The following ADRA1B variants were observed in gnomAD, a reference collection of about 807,000 sequenced individuals.
ADRA1B encodes adrenoceptor alpha 1B, also known as alpha-1B adrenergic receptor.
A neutral mutation model predicts 17.9 loss-of-function variants in ADRA1B; 17 were observed. The ratio of observed to expected loss-of-function variants is 0.95; its 90% CI spans 0.65 to 1.42. The LOEUF (loss-of-function observed/expected upper bound fraction) is 1.42. Among genes scored for constraint, ADRA1B ranks in the 40% most tolerant of loss-of-function variants. The pLI, the probability that ADRA1B is intolerant of heterozygous loss-of-function variation, is 0.00. For synonymous variants in ADRA1B, 366 were observed against 327.6 expected, an observed-to-expected ratio of 1.12 and a Z score of -1.27; for missense variants, 681 against 722.1, an observed-to-expected ratio of 0.94 and a Z score of 0.65.
At chr5:159,894,098 A>C (rs1290444883) in intron 1 of ADRA1B, among the ~76,000 whole-genome samples, 1 of 152,194 alleles carries the variant, frequency 6.6e-6, no homozygotes, top group Non-Finnish European at 1.5e-5. Context: ...CACCTTGCTG[A>C]AGTGTTAGAA....
At chr5:159,894,005 C>A (rs1246618900) in intron 1 of ADRA1B, among the ~76,000 whole-genome samples, 2 of 152,180 alleles carry the variant, frequency 1.3e-5, no homozygotes, top group Non-Finnish European at 2.9e-5. Flanking sequence ...CTAAGATAGA[C>A]CCAGTTTCAC....
At chr5:159,930,014 A>T (rs1355991927) in intron 1 of ADRA1B, among the ~76,000 whole-genome samples, 2 of 152,210 alleles carry the variant, frequency 1.3e-5, no homozygotes, top group Admixed American at 6.5e-5. Flanking sequence ...TTTTCACTCA[A>T]CAGCATAGCA....
downstream of ADRA1B, among the ~76,000 whole-genome samples, chr5:159,973,607 G>A: frequency 6.6e-6 from 1 of 152,180 alleles, no homozygotes; most frequent in Admixed American, 6.5e-5. Flanking sequence ...TTGGGGCCCA[G>A]CAACATACAG....
chr5:159,924,683 G>C (rs112526490), intron 1 of ADRA1B, among the ~76,000 whole-genome samples: 58 of 152,296 alleles, frequency 3.8e-4, no homozygotes, highest in African/African-American at 1.4e-3. Context: ...CAGCAGGTGC[G>C]TGTGTAGCTG....
intron 1 of ADRA1B, among the ~76,000 whole-genome samples, chr5:159,889,842 C>A (rs1753962891): frequency 6.6e-6 from 1 of 152,186 alleles, no homozygotes; most frequent in Non-Finnish European, 1.5e-5. Flanking sequence ...TTGCTTGCAA[C>A]CAAGAACATG....
chr5:159,916,243 G>C (rs1480262162), upstream of ADRA1B: 1 of 151,458 alleles, frequency 6.6e-6, no homozygotes, highest in Non-Finnish European at 1.5e-5. Context: ...TAACCCCAGC[G>C]GGCCGCCTAG....
chr5:159,892,625 G>C (rs1753997391), intron 1 of ADRA1B, among the ~76,000 whole-genome samples: 1 of 152,128 alleles, frequency 6.6e-6, no homozygotes, highest in Non-Finnish European at 1.5e-5. Flanking sequence ...GAGGATAATG[G>C]CCTCCAGCTC....
chr5:159,918,646 G>A (rs570775221), intron 1 of ADRA1B, among the ~76,000 whole-genome samples: 69 of 152,284 alleles, frequency 4.5e-4, no homozygotes, highest in African/African-American at 1.5e-3. Flanking sequence ...AATTCAGTGC[G>A]TCCTCCCCCT....
intron 1 of ADRA1B, among the ~76,000 whole-genome samples, chr5:159,890,306 C>T (rs560719305): frequency 3.7e-4 from 57 of 152,302 alleles, no homozygotes; most frequent in African/African-American, 1.4e-3. Flanking sequence ...CCAATAGCAG[C>T]CAAGAATTTT....
At chr5:159,979,843 G>A in the ADRA1B span, among the ~76,000 whole-genome samples, 1 of 151,726 alleles carries the variant, frequency 6.6e-6, no homozygotes, top group Non-Finnish European at 1.5e-5. Context: ...ACTCCAGCCT[G>A]GGCAACAGAG....
chr5:159,875,755 C>G (rs1006768074), intron 1 of ADRA1B, among the ~76,000 whole-genome samples: 1 of 152,206 alleles, frequency 6.6e-6, no homozygotes. Context: ...CTGGTCCCTG[C>G]AGGCATCCAG....
In ADRA1B at chr5:159,917,039, C is replaced by T; in HGVS notation, c.134C>T (p.Ala45Val). 6.2e-7 allele frequency: 1 copy of T among 1,614,164 alleles called. No homozygotes were observed. The highest frequency in any genetic ancestry group is 8.5e-7 in the Non-Finnish European group (1 of 1,180,024). The part of the protein sequence containing the change: ...STLPQLDITR[A>V]ISVGLVLGAF... ...CTGCCCCAGCTGGACATCACCAGGG[C>T]CATCTCTGTGGGCCTGGTGCTGGGC... Residue 45 changes from alanine (A) to valine (V), a missense_variant, in exon 1 of 2, where the codon GCC becomes GTC. Transcript: ENST00000306675.
At chr5:159,898,326 A>G (rs1007529332) in intron 1 of ADRA1B, among the ~76,000 whole-genome samples, 29 of 152,226 alleles carry the variant, frequency 1.9e-4, no homozygotes, top group African/African-American at 7.0e-4. Context: ...AGACAGCTGT[A>G]AGACAGGAGG....
chr5:159,905,376 TGGGC>T (rs1485012394), intron 1 of ADRA1B, among the ~76,000 whole-genome samples: 3 of 152,234 alleles, frequency 2.0e-5, no homozygotes, highest in Non-Finnish European at 1.5e-5. Flanking sequence ...TCAAAAAGGC[TGGGC>T]CAGAAACAAG....
intron 1 of ADRA1B, among the ~76,000 whole-genome samples, chr5:159,865,797 C>T (rs1188940983): frequency 6.6e-6 from 1 of 152,178 alleles, no homozygotes; most frequent in Non-Finnish European, 1.5e-5. Context: ...TTCCTCAAAA[C>T]CTACATACAA....
intron 1 of ADRA1B, among the ~76,000 whole-genome samples, chr5:159,950,263 G>C (rs1755395660): frequency 6.6e-6 from 1 of 151,264 alleles, no homozygotes; most frequent in Admixed American, 6.6e-5. Context: ...CCTTTTGGGT[G>C]ACCCTAGTGG....
chr5:159,921,012 G>A (rs1282111870), intron 1 of ADRA1B, among the ~76,000 whole-genome samples: 5 of 152,228 alleles, frequency 3.3e-5, no homozygotes, highest in Non-Finnish European at 4.4e-5. Context: ...TGTTTTCTCC[G>A]TGGGAGAGAA....
At chr5:159,915,634 C>T (rs1754282979), upstream of ADRA1B, among the ~76,000 whole-genome samples, 1 of 152,140 alleles carries the variant, frequency 6.6e-6, no homozygotes. Context: ...TCCCAGATAG[C>T]CAGCTAGCTT....
At chr5:159,977,734 G>C (rs961184666), downstream of ADRA1B, among the ~76,000 whole-genome samples, 1 of 152,156 alleles carries the variant, frequency 6.6e-6, no homozygotes, top group Non-Finnish European at 1.5e-5. Flanking sequence ...CTGAAGTGTG[G>C]GTGTTGGGGT....
Sources: gnomAD v4.1 joint callset for allele counts (sites outside exome capture counted in the v4.1 genomes callset) on GRCh38, gnomAD v4.1.1 for gene constraint, MANE v1.5 for transcripts, NCBI Gene and HGNC (gene_info 2026-07-23, HGNC 2026-07-21) for gene names.